Variants in TSPEAR observed in about 807,000 individuals in gnomAD.
The protein encoded by TSPEAR is thrombospondin-type laminin G domain and EAR repeat-containing protein.
Under a neutral mutation model 71.6 loss-of-function variants are expected in TSPEAR, and 69 were observed. The observed-to-expected ratio is 0.96, with a 90% CI of 0.79 to 1.18. The LOEUF (loss-of-function observed/expected upper bound fraction) is 1.18, where lower values mean the gene tolerates loss of function less well. TSPEAR is among the 50% of genes most tolerant of loss of function. The pLI, the probability that TSPEAR is intolerant of heterozygous loss-of-function variation, is 0.00. For missense variants in TSPEAR, 971 were observed against 894.9 expected (o/e 1.09, Z -1.09); for synonymous variants, 402 against 387.2 (o/e 1.04, Z -0.45).
chr21:44,703,070 C>T (rs1987734854), intron 1 of TSPEAR, among the ~76,000 whole-genome samples: 1 of 152,190 alleles, frequency 6.6e-6, no homozygotes, highest in Admixed American at 6.5e-5. Flanking sequence ...CCCTGGCCCC[C>T]CCTGCCCTTC....
At chr21:44,535,555 G>C (rs982280440) in intron 2 of TSPEAR, among the ~76,000 whole-genome samples, 36 of 152,310 alleles carry the variant, frequency 2.4e-4, no homozygotes, top group Admixed American at 1.3e-3. Context: ...ACTGTATCGT[G>C]TCTGTGTTTA....
At chr21:44,539,853 A>G in intron 2 of TSPEAR, 1 of 1,578,046 alleles carries the variant, frequency 6.3e-7, no homozygotes, top group Non-Finnish European at 8.6e-7. Context: ...ACGGGCACGC[A>G]GCAGGCCTGC....
chr21:44,516,219 G>A (rs1423600216), intron 9 of TSPEAR: 1 of 152,276 alleles, frequency 6.6e-6, no homozygotes, highest in Admixed American at 6.5e-5. Flanking sequence ...GGAATTCCAG[G>A]GCTTTCAGAA....
intron 1 of TSPEAR, chr21:44,601,859 GC>G: frequency 2.3e-6 from 3 of 1,325,744 alleles, no homozygotes; most frequent in Non-Finnish European, 2.0e-6. Context: ...TGGTCAGCTG[GC>G]CATCCAGTGT....
intron 2 of TSPEAR, among the ~76,000 whole-genome samples, chr21:44,559,450 C>T (rs587682160): frequency 6.6e-6 from 1 of 152,310 alleles, no homozygotes; most frequent in African/African-American, 2.4e-5. Context: ...TGTTTCATTT[C>T]ACGTTGAACT....
intron 8 of TSPEAR, among the ~76,000 whole-genome samples, chr21:44,523,817 C>CAGTT (rs150037585): frequency 6.7e-6 from 1 of 148,814 alleles, no homozygotes; most frequent in African/African-American, 2.5e-5. Flanking sequence ...GTCAGTCAGT[C>CAGTT]AGTTAGTCAG....
In TSPEAR at chr21:44,499,475, A is replaced by G. The variant is rs2051984582; in HGVS notation, c.*308T>C. The G allele has an allele frequency of 6.0e-6, 2 of 330,748 alleles. No individual in the cohort carries two copies. Among genetic ancestry groups the G allele is most frequent in the East Asian group, 6.2e-5 (1 of 16,126 alleles). 20.5% of individuals were successfully genotyped at this position (330,748 alleles called of 1,614,324 possible). On this transcript the variant is annotated 3_prime_UTR_variant, in exon 12 of 12. Transcript: ENST00000323084. ...CCGAGGTCCTGTTGTTTGAGGTAAA[A>G]ATGTATAGAAACGGTTCCTTGACAG...
chr21:44,548,663 C>T lies in TSPEAR; in HGVS notation c.304-14740G>A, dbSNP rs150443296. Among the ~76,000 whole-genome samples, 274 of 152,242 alleles carry T rather than the reference C, an allele frequency of 1.8e-3. 2 individuals carry two copies. The highest frequency in any genetic ancestry group is 0.014 in the Middle Eastern group (4 of 294). ...AGAGCCAGGGGACGCTGGCCGGGGA[C>T]GGTGGGTTTGTTTATTTGGGTTTTG... On this transcript the variant is annotated intron_variant, in intron 2 of 11. Coordinates refer to ENST00000323084, the MANE Select transcript of TSPEAR (RefSeq NM_144991.3).
intron 1 of TSPEAR, chr21:44,580,278 G>A: frequency 6.2e-7 from 1 of 1,613,642 alleles, no homozygotes; most frequent in Non-Finnish European, 8.5e-7. Context: ...GAGCAGGTGG[G>A]CAGGCAGCAC....
intron 1 of TSPEAR, among the ~76,000 whole-genome samples, chr21:44,705,955 A>G (rs1987891134): frequency 6.6e-6 from 1 of 152,118 alleles, no homozygotes; most frequent in Non-Finnish European, 1.5e-5. Context: ...AGATCCTACC[A>G]ACGTGTGATG....
chr21:44,650,934 G>A (rs1984748961), intron 1 of TSPEAR, among the ~76,000 whole-genome samples: 2 of 152,228 alleles, frequency 1.3e-5, no homozygotes, highest in African/African-American at 4.8e-5. Context: ...GCCGGAATCT[G>A]CAGATGCTCT....
chr21:44,698,821 G>A (rs553495653), intron 1 of TSPEAR, among the ~76,000 whole-genome samples: 2 of 152,334 alleles, frequency 1.3e-5, no homozygotes, highest in East Asian at 1.9e-4. Flanking sequence ...GAAGCCTACT[G>A]CCCAGATCAT....
chr21:44,531,202 C>G, intron 3 of TSPEAR, 69 bp from the exon 4 acceptor site: 1 of 1,264,638 alleles, frequency 7.9e-7, no homozygotes. Flanking sequence ...ACAGAAGGAA[C>G]AGGAACAAGC....
At chr21:44,641,526 G>T (rs978404608) in intron 1 of TSPEAR, among the ~76,000 whole-genome samples, 1 of 152,208 alleles carries the variant, frequency 6.6e-6, no homozygotes, top group Non-Finnish European at 1.5e-5. Flanking sequence ...GAGACCCAGG[G>T]TCTGTGATCC....
chr21:44,562,482 A>C (rs1346284749), intron 2 of TSPEAR, among the ~76,000 whole-genome samples: 1 of 152,158 alleles, frequency 6.6e-6, no homozygotes, highest in East Asian at 1.9e-4. Flanking sequence ...TAACTTTCCA[A>C]AATTATTGAA....
intron 2 of TSPEAR, among the ~76,000 whole-genome samples, chr21:44,556,463 C>T (rs887967751): frequency 1.2e-4 from 18 of 151,840 alleles, no homozygotes; most frequent in East Asian, 1.2e-3. Flanking sequence ...GAGGCCGAGG[C>T]GGGTGGATCA....
intron 1 of TSPEAR, chr21:44,592,556 C>T: frequency 1.3e-6 from 2 of 1,547,300 alleles, no homozygotes; most frequent in Admixed American, 1.9e-5. Flanking sequence ...TTTTATTCCA[C>T]CTGGCCTTGT....
chr21:44,511,371 CATAT>C (rs10699420), intron 9 of TSPEAR, among the ~76,000 whole-genome samples: 4 of 139,898 alleles, frequency 2.9e-5, no homozygotes, highest in Middle Eastern at 3.7e-3. Flanking sequence ...TACACACACA[CATAT>C]ATGCTTACAT....
rs191869863 is a variant in TSPEAR at position 44,587,730 on chromosome 21, C to T, written c.83-19725G>A. Among the ~76,000 whole-genome samples the T allele has an allele frequency of 6.2e-3, 946 of 152,210 alleles. 6 individuals are homozygous for T. The highest frequency in any genetic ancestry group is 0.021 in the African/African-American group (887 of 41,532). On this transcript the variant is annotated intron_variant, in intron 1 of 11. Coordinates refer to ENST00000323084, the MANE Select transcript of TSPEAR (RefSeq NM_144991.3). Reference sequence around the variant, plus strand: ...CCCAGAAATAAACCCAAATACTTACCGCCGACTGATCTTTGACAAAGCAAA... The same window carrying T: ...CCCAGAAATAAACCCAAATACTTACTGCCGACTGATCTTTGACAAAGCAAA...
Sources: gnomAD v4.1 joint callset for allele counts (sites outside exome capture counted in the v4.1 genomes callset) on GRCh38, gnomAD v4.1.1 for gene constraint, MANE v1.5 for transcripts, NCBI Gene and HGNC (gene_info 2026-07-23, HGNC 2026-07-21) for gene names.